ROBO1: variants seen among roughly 807,000 people sequenced by gnomAD.
ROBO1 encodes roundabout homolog 1.
ROBO1 carries 149 observed loss-of-function variants against 195.9 expected under a neutral mutation model. That is an observed-to-expected ratio of 0.76 (90% CI 0.67 to 0.87). The LOEUF is 0.87. Ranked by LOEUF, ROBO1 falls within the 40% of genes least tolerant of loss-of-function variation. The pLI is 0.00. For synonymous variants in ROBO1, 816 were observed against 733.2 expected (o/e 1.11, Z -1.82); for missense variants, 1,933 against 2,068.3 (o/e 0.93, Z 1.27).
At chr3:79,275,828 T>C (rs192812205) in intron 2 of ROBO1, among the ~76,000 whole-genome samples, 1 of 151,812 alleles carries the variant, frequency 6.6e-6, no homozygotes, top group African/African-American at 2.4e-5. Flanking sequence ...CATTTCTATA[T>C]GCAAACAACG....
At chr3:79,724,014 C>T (rs1017185312) in intron 1 of ROBO1, among the ~76,000 whole-genome samples, 1 of 152,138 alleles carries the variant, frequency 6.6e-6, no homozygotes, top group Admixed American at 6.5e-5. Flanking sequence ...GTGAATTGTA[C>T]TAATAAAGGA....
At chr3:79,503,488 T>TA (rs1940225464) in intron 2 of ROBO1, among the ~76,000 whole-genome samples, 1 of 152,222 alleles carries the variant, frequency 6.6e-6, no homozygotes, top group Non-Finnish European at 1.5e-5. Context: ...TATGAAGTGA[T>TA]ACGGCAACTA....
At chr3:79,147,936 C>A (rs1240844582) in intron 2 of ROBO1, among the ~76,000 whole-genome samples, 1 of 151,888 alleles carries the variant, frequency 6.6e-6, no homozygotes, top group South Asian at 2.1e-4. Context: ...TCCATGCCTG[C>A]TTATAGTTAG....
At chr3:79,698,775 G>A (rs1216734894) in intron 1 of ROBO1, among the ~76,000 whole-genome samples, 2 of 151,458 alleles carry the variant, frequency 1.3e-5, no homozygotes, top group Non-Finnish European at 3.0e-5. Flanking sequence ...GTTTAGTCAG[G>A]CAGCAAGAAC....
At chr3:78,646,871 CA>C (rs539299098) in intron 20 of ROBO1, among the ~76,000 whole-genome samples, 204 of 151,552 alleles carry the variant, frequency 1.3e-3, no homozygotes, top group Non-Finnish European at 2.4e-3. Context: ...TTAACCATAA[CA>C]AAAAAAAGAT....
intron 4 of ROBO1, among the ~76,000 whole-genome samples, chr3:78,849,831 T>TACACATACACACACACAC (rs1553747415): frequency 2.5e-5 from 2 of 79,620 alleles, no homozygotes; most frequent in Non-Finnish European, 6.5e-5. Flanking sequence ...TCTCTCCCAT[T>TACACATACACACACACAC]ACACACACAC....
chr3:78,631,021 C>A, intron 25 of ROBO1, 140 bp downstream of exon 25: 1 of 869,932 alleles, frequency 1.1e-6, no homozygotes, highest in Non-Finnish European at 1.7e-6. Flanking sequence ...TTCCTGCTGA[C>A]CAGCACTATT....
intron 1 of ROBO1, among the ~76,000 whole-genome samples, chr3:79,594,511 A>C (rs1944103027): frequency 6.6e-6 from 1 of 152,072 alleles, no homozygotes; most frequent in African/African-American, 2.4e-5. Context: ...TAAATGCCTA[A>C]AAATATAATT....
intron 2 of ROBO1, among the ~76,000 whole-genome samples, chr3:79,464,120 C>A (rs1180244957): frequency 1.3e-5 from 2 of 152,310 alleles, no homozygotes; most frequent in East Asian, 3.9e-4. Flanking sequence ...TCTTAATTCC[C>A]TTTAATTGGC....
At chr3:79,585,249 TA>T (rs1292450757) in intron 2 of ROBO1, among the ~76,000 whole-genome samples, 1 of 151,970 alleles carries the variant, frequency 6.6e-6, no homozygotes, top group African/African-American at 2.4e-5. Flanking sequence ...TAGTTTATTA[TA>T]AAAGTCCAGC....
chr3:79,609,062 A>C (rs946207062), intron 1 of ROBO1, among the ~76,000 whole-genome samples: 3 of 151,938 alleles, frequency 2.0e-5, no homozygotes, highest in Non-Finnish European at 4.4e-5. Flanking sequence ...CACAGCAAGT[A>C]GGTCCTTACA....
chr3:79,322,066 C>G (rs1438878957), intron 2 of ROBO1, among the ~76,000 whole-genome samples: 1 of 152,078 alleles, frequency 6.6e-6, no homozygotes, highest in East Asian at 1.9e-4. Context: ...ATCTCAAACC[C>G]AATGGTTTAG....
chr3:79,127,333 G>C (rs1270365931), intron 2 of ROBO1, among the ~76,000 whole-genome samples: 1 of 152,174 alleles, frequency 6.6e-6, no homozygotes, highest in African/African-American at 2.4e-5. Flanking sequence ...AGAGGCTGTT[G>C]TAGGAAGATC....
intron 2 of ROBO1, among the ~76,000 whole-genome samples, chr3:79,145,982 C>T (rs926284481): frequency 6.6e-6 from 1 of 151,004 alleles, no homozygotes; most frequent in African/African-American, 2.4e-5. Context: ...TGGCTCAACC[C>T]CTTAAACCTT....
At chr3:79,059,473 C>T (rs911757713) in intron 3 of ROBO1, among the ~76,000 whole-genome samples, 1 of 151,980 alleles carries the variant, frequency 6.6e-6, no homozygotes, top group African/African-American at 2.4e-5. Flanking sequence ...ATGAACAAGC[C>T]TTCATTGCCA....
chr3:79,739,435 T>C (rs947192483), intron 1 of ROBO1, among the ~76,000 whole-genome samples: 3 of 152,162 alleles, frequency 2.0e-5, no homozygotes, highest in Non-Finnish European at 2.9e-5. Context: ...TCCTTATAAG[T>C]GGTCTGGGTT....
intron 2 of ROBO1, among the ~76,000 whole-genome samples, chr3:79,194,229 G>T (rs2081590770): frequency 6.6e-6 from 1 of 151,636 alleles, no homozygotes; most frequent in Admixed American, 6.6e-5. Context: ...AAAGCGCTTT[G>T]TTTTTCCTAG....
At chr3:79,161,669 T>C (rs2080968949) in intron 2 of ROBO1, among the ~76,000 whole-genome samples, 1 of 152,142 alleles carries the variant, frequency 6.6e-6, no homozygotes, top group African/African-American at 2.4e-5. Flanking sequence ...TAAAATAACT[T>C]AAAATGCTAT....
intron 8 of ROBO1, among the ~76,000 whole-genome samples, chr3:78,700,203 T>C (rs1242792030): frequency 6.6e-6 from 1 of 152,144 alleles, no homozygotes; most frequent in East Asian, 1.9e-4. Context: ...TTAGTCCTAT[T>C]TTAAGAGTCC....
Sources: allele counts gnomAD v4.1 joint callset (sites outside exome capture counted in the v4.1 genomes callset), GRCh38; gene constraint gnomAD v4.1.1; transcripts MANE v1.5; gene names NCBI Gene and HGNC (gene_info 2026-07-23, HGNC 2026-07-21).